The following TGM6 variants were observed in gnomAD, a reference collection of about 807,000 sequenced individuals.
The protein encoded by TGM6 is transglutaminase 6, also known as protein-glutamine gamma-glutamyltransferase 6.
A neutral mutation model predicts 77.5 loss-of-function variants in TGM6; 74 were observed. The ratio of observed to expected loss-of-function variants is 0.96; its 90% CI spans 0.79 to 1.16. The LOEUF is 1.16. TGM6 is among the 50% of genes most tolerant of loss of function. TGM6 has a pLI of 0.00. For missense variants in TGM6, 968 were observed against 940.2 expected, an observed-to-expected ratio of 1.03 and a Z score of -0.39; for synonymous variants, 383 against 378.9, an observed-to-expected ratio of 1.01 and a Z score of -0.12.
chr20:2,430,617 T>G lies in TGM6; in HGVS notation c.1833+17T>G. On this transcript the variant is annotated intron_variant, in intron 11 of 12. Transcript: ENST00000202625. ...ACCATCAAGGTGACCTCAGCCTGCA[T>G]CTACCATGCTGTTCCTAGTGGCACC... The G allele has an allele frequency of 6.2e-7, 1 of 1,613,820 alleles. No individual in the cohort carries two copies.
intron 7 of TGM6, among the ~76,000 whole-genome samples, chr20:2,402,048 G>A (rs1199410506): frequency 2.0e-5 from 3 of 152,012 alleles, no homozygotes; most frequent in Admixed American, 6.5e-5. Context: ...GACCAGCCTG[G>A]CCAACACGGT....
At chr20:2,388,362 A>G (rs994908962) in intron 1 of TGM6, among the ~76,000 whole-genome samples, 1 of 152,200 alleles carries the variant, frequency 6.6e-6, no homozygotes, top group African/African-American at 2.4e-5. Context: ...TGAATTTTAC[A>G]GTCTGTAACT....
intron 9 of TGM6, among the ~76,000 whole-genome samples, chr20:2,411,140 C>G (rs1019369454): frequency 6.6e-6 from 1 of 151,990 alleles, no homozygotes; most frequent in Non-Finnish European, 1.5e-5. Flanking sequence ...ATCCTGATAC[C>G]AAAACCAGAT....
In TGM6 at chr20:2,396,550, G is replaced by A. The variant is rs150619818; in HGVS notation, c.469G>A (p.Val157Met). The A allele has an allele frequency of 3.2e-5, 51 of 1,614,110 alleles. No homozygotes were observed. Among genetic ancestry groups the A allele is most frequent in the Admixed American group, 3.0e-4 (18 of 60,006 alleles). Residue 157 changes from valine (V) to methionine (M), a missense_variant, in exon 4 of 13, where the codon GTG becomes ATG. Transcript: ENST00000202625. ...LASEEERQEY[V>M]LSDSGIIFRG... is the part of the protein sequence containing the mutation. Reference sequence around the variant, plus strand: ...CTCAGAGGAGGAGAGACAGGAGTACGTGCTCAGCGACAGCGGCATCATCTT... The same window carrying A: ...CTCAGAGGAGGAGAGACAGGAGTACATGCTCAGCGACAGCGGCATCATCTT...
At chr20:2,399,872 T>G in intron 6 of TGM6, 134 bp downstream of exon 6, 1 of 832,938 alleles carries the variant, frequency 1.2e-6, no homozygotes, top group South Asian at 1.6e-5. Context: ...GAAGTCTGGC[T>G]GATGAAGAGA....
Position 2,430,616 on chromosome 20 carries a change from A to G in TGM6, c.1833+16A>G, listed in dbSNP as rs561473867. 3 of 1,613,866 alleles carry G rather than the reference A, an allele frequency of 1.9e-6. No individual in the cohort carries two copies. Among genetic ancestry groups the G allele is most frequent in the South Asian group, 2.2e-5 (2 of 91,074 alleles). On this transcript the variant is annotated intron_variant, in intron 11 of 12. Transcript: ENST00000202625. ...CACCATCAAGGTGACCTCAGCCTGC[A>G]TCTACCATGCTGTTCCTAGTGGCAC...
intron 9 of TGM6, among the ~76,000 whole-genome samples, chr20:2,410,717 A>C (rs1020393767): frequency 2.6e-5 from 4 of 152,188 alleles, no homozygotes; most frequent in Non-Finnish European, 5.9e-5. Context: ...CTGGAGACCC[A>C]GTTGGTGTCC....
At chr20:2,401,103 G>C (rs1184174452) in intron 7 of TGM6, among the ~76,000 whole-genome samples, 2 of 152,076 alleles carry the variant, frequency 1.3e-5, no homozygotes, top group African/African-American at 4.8e-5. Flanking sequence ...TACTCTGGAG[G>C]CTGAGGCAGG....
Position 2,397,983 on chromosome 20 carries a change from C to T in TGM6, c.609C>T (p.Asn203=). The T allele has an allele frequency of 6.2e-7, 1 of 1,614,128 alleles. No individual in the cohort carries two copies. Among genetic ancestry groups the T allele is most frequent in the Non-Finnish European group, 8.5e-7 (1 of 1,180,024 alleles). The change falls in exon 5 of 13, where the codon AAC becomes AAT. Residue 203 remains asparagine (N), a synonymous_variant. Transcript: ENST00000202625. ...ILDRSPGHQN[N]PATDVSCRHN... The stretch of plus-strand genomic sequence containing the variant: ...ATCGAAGCCCCGGTCACCAAAACAA[C>T]CCAGCCACCGACGTGTCCTGCCGCC...
Position 2,417,322 on chromosome 20 carries a change from C to T in TGM6, c.1427C>T (p.Ala476Val), listed in dbSNP as rs1397640278. The change falls in exon 10 of 13, where the codon GCT (alanine) becomes GTT (valine). Residue 476 changes from alanine (A) to valine (V), a missense_variant. Ala to Val is a moderately conservative substitution (Grantham distance 64). Coordinates refer to ENST00000202625, the MANE Select transcript of TGM6 (RefSeq NM_198994.3). ...GGAAGGAGAATCTGGATCCGCAGGG[C>T]TGGGGGTCGCTGTCTCTGGCGTGAC... is the stretch of plus-strand genomic sequence containing the variant. ...ASGRRIWIRR[A>V]GGRCLWRDDL... is the part of the protein sequence containing the mutation. 2 of 1,612,502 alleles carry T rather than the reference C, an allele frequency of 1.2e-6. No individual in the cohort carries two copies. The highest frequency in any genetic ancestry group is 1.7e-6 in the Non-Finnish European group (2 of 1,178,712).
intron 11 of TGM6, 144 bp from the exon 12 acceptor site, chr20:2,430,750 G>A (rs751664471): frequency 6.5e-5 from 103 of 1,583,432 alleles, no homozygotes; most frequent in Middle Eastern, 3.8e-4. Context: ...AAGGGGATGG[G>A]TGCAATAGTG....
intron 1 of TGM6, among the ~76,000 whole-genome samples, chr20:2,392,415 C>T (rs2084635186): frequency 6.6e-6 from 1 of 152,192 alleles, no homozygotes; most frequent in Non-Finnish European, 1.5e-5. Context: ...CTTTCAGCTC[C>T]CATCCTTCTC....
intron 2 of TGM6, 34 bp from the exon 3 acceptor site, chr20:2,395,160 G>T: frequency 1.2e-6 from 2 of 1,607,462 alleles, no homozygotes; most frequent in Non-Finnish European, 1.7e-6. Flanking sequence ...TTTCCCAGGG[G>T]AAGGGTCTCC....
At chr20:2,408,191 G>GA (rs1413309627) in intron 9 of TGM6, among the ~76,000 whole-genome samples, 1 of 152,172 alleles carries the variant, frequency 6.6e-6, no homozygotes, top group African/African-American at 2.4e-5. Flanking sequence ...TTCTATAGAT[G>GA]AAATGACAGG....
rs199802654 is a variant in TGM6 at position 2,403,805 on chromosome 20, C to T, written c.1318C>T (p.Leu440Phe). The T allele has an allele frequency of 2.9e-4, 474 of 1,614,036 alleles. No homozygotes were observed. Among genetic ancestry groups the T allele is most frequent in the Non-Finnish European group, 3.6e-4 (420 of 1,180,048 alleles). Residue 440 changes from leucine (L) to phenylalanine (F), a missense_variant, in exon 9 of 13, where the codon CTC becomes TTC. Transcript: ENST00000202625. ...GSDSRVDITD[L>F]YKYPEGSRKE... ...TGACTCCCGCGTGGACATCACTGAC[C>T]TCTACAAGTATCCGGAAGGTAAGGG... is the stretch of plus-strand genomic sequence containing the variant.
intron 1 of TGM6, among the ~76,000 whole-genome samples, chr20:2,389,357 A>T (rs894773282): frequency 6.6e-6 from 1 of 152,176 alleles, no homozygotes; most frequent in African/African-American, 2.4e-5. Flanking sequence ...CCCAGCTAAC[A>T]TATGATTGCA....
At chr20:2,401,336 C>T (rs1295719864) in intron 7 of TGM6, among the ~76,000 whole-genome samples, 1 of 152,186 alleles carries the variant, frequency 6.6e-6, no homozygotes, top group Non-Finnish European at 1.5e-5. Flanking sequence ...CCCCAGCCTC[C>T]CCATCCTCCT....
intron 9 of TGM6, among the ~76,000 whole-genome samples, chr20:2,406,319 C>T (rs1378380629): frequency 2.0e-5 from 3 of 151,832 alleles, no homozygotes; most frequent in Non-Finnish European, 2.9e-5. Context: ...GGCAAAACCC[C>T]ATCTCTATAA....
At chr20:2,385,990 G>A (rs1325329739) in intron 1 of TGM6, among the ~76,000 whole-genome samples, 1 of 152,264 alleles carries the variant, frequency 6.6e-6, no homozygotes, top group South Asian at 2.1e-4. Flanking sequence ...AGGGACAGAA[G>A]CCTCCGTCTT....
Sources: allele counts gnomAD v4.1 joint callset (sites outside exome capture counted in the v4.1 genomes callset), GRCh38; gene constraint gnomAD v4.1.1; transcripts MANE v1.5; gene names NCBI Gene and HGNC (gene_info 2026-07-23, HGNC 2026-07-21).